The following ALG5 variants were observed in gnomAD, a reference collection of about 807,000 sequenced individuals.
ALG5 encodes ALG5 dolichyl-phosphate beta-glucosyltransferase.
In ALG5, 26 loss-of-function variants were observed where a neutral mutation model predicts 51.8. That is an observed-to-expected ratio of 0.50 (90% CI 0.37 to 0.70). ALG5 has a LOEUF of 0.70. Among genes scored for constraint, ALG5 ranks in the 30% least tolerant of loss-of-function variants. The probability of loss-of-function intolerance (pLI) is 0.00; values close to 1 mark genes in which losing one functional copy is unlikely to be tolerated. For missense variants in ALG5, 311 were observed against 399.3 expected (o/e 0.78, Z 1.88); for synonymous variants, 141 against 136.1 (o/e 1.04, Z -0.25).
intron 6 of ALG5, among the ~76,000 whole-genome samples, chr13:36,980,330 G>C (rs1043219574): frequency 6.6e-6 from 1 of 152,068 alleles, no homozygotes; most frequent in Non-Finnish European, 1.5e-5. Flanking sequence ...TGCCTCCCAG[G>C]TTCTAGTGAT....
intron 6 of ALG5, among the ~76,000 whole-genome samples, chr13:36,977,871 C>CAATCAA (rs1566063635): frequency 7.8e-6 from 1 of 128,864 alleles, no homozygotes; most frequent in Non-Finnish European, 1.6e-5. Context: ...AATGCTAAAT[C>CAATCAA]AATCAAAATC....
intron 6 of ALG5, among the ~76,000 whole-genome samples, chr13:36,980,573 T>A (rs548939140): frequency 1.4e-3 from 219 of 152,178 alleles, no homozygotes; most frequent in Non-Finnish European, 2.4e-3. Context: ...AGCATATTTT[T>A]AAAAAGAGGT....
At chr13:36,999,206 C>A in intron 1 of ALG5, 29 bp downstream of exon 1, 1 of 1,550,808 alleles carries the variant, frequency 6.4e-7, no homozygotes, top group Non-Finnish European at 8.7e-7. Flanking sequence ...TAAGCCCCGG[C>A]CTGCGCGGGT....
chr13:36,978,189 GT>G lies in ALG5; in HGVS notation c.562-6154del, dbSNP rs34782335. Among the ~76,000 whole-genome samples the G allele has an allele frequency of 4.6e-3, 570 of 124,752 alleles. 5 individuals are homozygous for G. Among genetic ancestry groups the G allele is most frequent in the African/African-American group, 0.016 (521 of 33,456 alleles). 81.8% of individuals were successfully genotyped at this position (124,752 alleles called of 152,430 possible). A position where few individuals can be genotyped will look rare whatever the true frequency, so the allele number is the denominator to read the frequency against. On this transcript the variant is annotated intron_variant, in intron 6 of 9. Coordinates refer to ENST00000239891, the MANE Select transcript of ALG5 (RefSeq NM_013338.5). ...GCATGAGTCACTGCGCCCCACCTTT[GT>G]TTTTTTTTTTTTTTTGAGACGGAAT...
intron 8 of ALG5, among the ~76,000 whole-genome samples, chr13:36,960,583 T>A (rs2058861504): frequency 6.6e-6 from 1 of 152,086 alleles, no homozygotes; most frequent in Non-Finnish European, 1.5e-5. Flanking sequence ...TGCAATCAAG[T>A]GCTCACTGCA....
At chr13:36,950,208 A>C (rs1168757335) in intron 9 of ALG5, 151 bp from the exon 10 acceptor site, 3 of 536,880 alleles carry the variant, frequency 5.6e-6, no homozygotes, top group Non-Finnish European at 9.8e-6. Context: ...TTCAAAGCTG[A>C]AGTGAGTGGA....
rs537141518 is a variant in ALG5 at position 36,958,212 on chromosome 13, G to A, written c.774-5613C>T. Among the ~76,000 whole-genome samples, 6 of 151,818 alleles carry A rather than the reference G, an allele frequency of 4.0e-5. 1 individual carries two copies. Among genetic ancestry groups the A allele is most frequent in the Admixed American group, 2.0e-4 (3 of 15,232 alleles). ...ACTCTCACCGCACCCCCTCCATGCC[G>A]CTGTACCACCACTAGCTCTCCTTAC... On this transcript the variant is annotated intron_variant, in intron 8 of 9. Coordinates refer to ENST00000239891, the MANE Select transcript of ALG5 (RefSeq NM_013338.5).
chr13:36,966,603 G>A lies in ALG5; in HGVS notation c.622-877C>T, dbSNP rs142267754. ...TGGTTCACTGCAGCCTCAAATTCCT[G>A]GGATCAAGTGATCCTTCTGCCTCAA... On this transcript the variant is annotated intron_variant, in intron 7 of 9. Transcript: ENST00000239891. 1.2e-4 allele frequency among the ~76,000 whole-genome samples: 18 copies of A among 152,204 alleles called. No homozygotes were observed. The East Asian group carries it at 3.3e-3, about 28-fold the overall frequency.
chr13:36,961,630 T>C (rs2058867211), intron 8 of ALG5, among the ~76,000 whole-genome samples: 1 of 152,238 alleles, frequency 6.6e-6, no homozygotes, highest in Admixed American at 6.5e-5. Flanking sequence ...CAACTGTATA[T>C]ATATGTATCT....
chr13:36,955,687 A>G (rs1056941016), intron 8 of ALG5, among the ~76,000 whole-genome samples: 38 of 89,470 alleles, frequency 4.2e-4, no homozygotes, highest in South Asian at 3.0e-3. Flanking sequence ...AGAGATTGTG[A>G]AAAAAAAAAA....
chr13:36,966,457 C>T (rs2058893851), intron 7 of ALG5, among the ~76,000 whole-genome samples: 1 of 152,130 alleles, frequency 6.6e-6, no homozygotes, highest in Admixed American at 6.5e-5. Context: ...CACTGGATTC[C>T]AGACTTTCAC....
intron 8 of ALG5, among the ~76,000 whole-genome samples, chr13:36,959,590 G>A (rs1000065292): frequency 3.1e-4 from 47 of 152,178 alleles, no homozygotes; most frequent in Admixed American, 3.1e-3. Context: ...CTTCCAAAAG[G>A]GGGTGGAAAC....
chr13:36,952,097 T>G (rs1593654718), intron 9 of ALG5, among the ~76,000 whole-genome samples: 2 of 152,316 alleles, frequency 1.3e-5, no homozygotes, highest in Non-Finnish European at 2.9e-5. Context: ...TAAAAAAAAT[T>G]TTTATTTCTT....
chr13:36,998,589 G>C (rs1485557898), intron 1 of ALG5, among the ~76,000 whole-genome samples: 2 of 152,294 alleles, frequency 1.3e-5, no homozygotes, highest in Non-Finnish European at 2.9e-5. Context: ...AAAGACAATC[G>C]AGTTTGCATT....
chr13:36,954,420 G>A (rs2058831273), intron 8 of ALG5, among the ~76,000 whole-genome samples: 1 of 151,910 alleles, frequency 6.6e-6, no homozygotes, highest in South Asian at 2.1e-4. Flanking sequence ...TGAACTCCTG[G>A]GCTTAAATGA....
Position 36,965,642 on chromosome 13 carries a change from A to G in ALG5, c.706T>C (p.Cys236Arg). 1 of 1,614,052 alleles carries G rather than the reference A, an allele frequency of 6.2e-7. No individual in the cohort carries two copies. ...TCTCGAGTAAATAATTTGAACCCAC[A>G]CTGTGTGTCCCTGATTCCTTTGACA... The part of the protein sequence containing the change: ...LCVKGIRDTQ[C>R]GFKLFTREAA... The change falls in exon 8 of 10, where the codon TGT becomes CGT. Residue 236 changes from cysteine to arginine, a missense_variant. Transcript: ENST00000239891.
At chr13:36,994,961 T>C in intron 3 of ALG5, 28 bp downstream of exon 3, 1 of 1,601,134 alleles carries the variant, frequency 6.2e-7, no homozygotes, top group Non-Finnish European at 8.5e-7. Flanking sequence ...TAATTGGAGA[T>C]ATCATATTAA....
chr13:36,996,260 T>C (rs2059049698), intron 1 of ALG5, among the ~76,000 whole-genome samples: 1 of 152,202 alleles, frequency 6.6e-6, no homozygotes, highest in Non-Finnish European at 1.5e-5. Flanking sequence ...TAACCATTGT[T>C]TTTACATTGT....
At chr13:36,975,210 T>A (rs945947977) in intron 6 of ALG5, among the ~76,000 whole-genome samples, 38 of 152,260 alleles carry the variant, frequency 2.5e-4, no homozygotes, top group African/African-American at 9.1e-4. Context: ...AAACTCTGTC[T>A]AAAAAAACAA....
Sources: gnomAD v4.1 joint callset for allele counts (sites outside exome capture counted in the v4.1 genomes callset) on GRCh38, gnomAD v4.1.1 for gene constraint, MANE v1.5 for transcripts, NCBI Gene and HGNC (gene_info 2026-07-23, HGNC 2026-07-21) for gene names.